The following PTPRO variants were observed in gnomAD, a reference collection of about 807,000 sequenced individuals.
PTPRO encodes receptor-type tyrosine-protein phosphatase O.
A neutral mutation model predicts 145.2 loss-of-function variants in PTPRO; 62 were observed. The observed-to-expected ratio is 0.43, with a 90% CI of 0.35 to 0.53. The LOEUF is 0.53. Among genes scored for constraint, PTPRO ranks in the 20% least tolerant of loss-of-function variants. PTPRO has a pLI of 0.01. For synonymous variants in PTPRO, 565 were observed against 514.7 expected (o/e 1.10, Z -1.32); for missense variants, 1,345 against 1,482.7 (o/e 0.91, Z 1.53).
chr12:15,401,277 C>A (rs562419479), intron 1 of PTPRO, among the ~76,000 whole-genome samples: 32 of 152,140 alleles, frequency 2.1e-4, no homozygotes, highest in Non-Finnish European at 3.8e-4. Context: ...CTTCCACTTA[C>A]GAATCACTGC....
At chr12:15,426,136 G>A (rs1458848543) in intron 1 of PTPRO, among the ~76,000 whole-genome samples, 1 of 151,416 alleles carries the variant, frequency 6.6e-6, no homozygotes, top group African/African-American at 2.4e-5. Flanking sequence ...CTTACACAAT[G>A]TTTGGTAAGC....
chr12:15,484,863 C>G (rs747266227), intron 2 of PTPRO, among the ~76,000 whole-genome samples: 4 of 152,088 alleles, frequency 2.6e-5, no homozygotes, highest in Admixed American at 6.6e-5. Context: ...ATACTTTTAA[C>G]TCCATGTGAT....
At chr12:15,397,630 G>C (rs1464966710) in intron 1 of PTPRO, among the ~76,000 whole-genome samples, 1 of 152,130 alleles carries the variant, frequency 6.6e-6, no homozygotes, top group African/African-American at 2.4e-5. Flanking sequence ...TGACCCACAA[G>C]GCATAGGGTT....
intron 1 of PTPRO, among the ~76,000 whole-genome samples, chr12:15,384,605 C>G (rs1938964718): frequency 6.6e-6 from 1 of 152,076 alleles, no homozygotes; most frequent in Admixed American, 6.6e-5. Flanking sequence ...ACTTTATAAC[C>G]CTTTTGACTT....
intron 2 of PTPRO, among the ~76,000 whole-genome samples, chr12:15,491,276 C>T (rs1405538926): frequency 6.6e-6 from 1 of 152,210 alleles, no homozygotes; most frequent in Non-Finnish European, 1.5e-5. Flanking sequence ...GGTTACTGAA[C>T]ATGAACACAA....
At chr12:15,388,448 G>T (rs1214504125) in intron 1 of PTPRO, among the ~76,000 whole-genome samples, 1 of 152,072 alleles carries the variant, frequency 6.6e-6, no homozygotes, top group African/African-American at 2.4e-5. Flanking sequence ...GAAATTATAA[G>T]ATTTGAAAAG....
chr12:15,375,343 A>G (rs926694190), intron 1 of PTPRO, among the ~76,000 whole-genome samples: 1 of 152,222 alleles, frequency 6.6e-6, no homozygotes, highest in African/African-American at 2.4e-5. Context: ...CAGATTTTAG[A>G]CTTACTAGAC....
chr12:15,498,022 T>C (rs1942142916), intron 3 of PTPRO, among the ~76,000 whole-genome samples: 1 of 151,874 alleles, frequency 6.6e-6, no homozygotes, highest in African/African-American at 2.4e-5. Context: ...GGGCATTCAG[T>C]TTCATTTGGG....
intron 1 of PTPRO, among the ~76,000 whole-genome samples, chr12:15,469,597 C>G (rs958034884): frequency 3.9e-5 from 6 of 152,064 alleles, no homozygotes. Flanking sequence ...AACAGGCGAG[C>G]TGTAAAACAG....
At chr12:15,589,417 C>G in intron 24 of PTPRO, 38 bp from the exon 25 acceptor site, 2 of 1,613,242 alleles carry the variant, frequency 1.2e-6, no homozygotes, top group Non-Finnish European at 1.7e-6. Flanking sequence ...AAAAGAAGCA[C>G]CATCTGAATA....
At chr12:15,357,982 A>AACCC (rs1240445290) in intron 1 of PTPRO, among the ~76,000 whole-genome samples, 1 of 151,374 alleles carries the variant, frequency 6.6e-6, no homozygotes, top group African/African-American at 2.4e-5. Context: ...ACTTGGAACC[A>AACCC]ACCCAAATGT....
At chr12:15,475,428 A>G (rs1941632398) in intron 1 of PTPRO, among the ~76,000 whole-genome samples, 1 of 152,238 alleles carries the variant, frequency 6.6e-6, no homozygotes, top group Admixed American at 6.5e-5. Flanking sequence ...ATAAGGAAAT[A>G]TAAATAAATA....
intron 8 of PTPRO, 133 bp downstream of exon 8, chr12:15,515,751 A>C: frequency 8.5e-7 from 1 of 1,181,174 alleles, no homozygotes; most frequent in Non-Finnish European, 1.3e-6. Context: ...TGCTACCTTC[A>C]GAGTAATAAA....
chr12:15,351,142 A>G (rs1415202388), intron 1 of PTPRO, among the ~76,000 whole-genome samples: 1 of 152,158 alleles, frequency 6.6e-6, no homozygotes, highest in East Asian at 1.9e-4. Flanking sequence ...GTTTTCTGTA[A>G]GTGTGCTGCC....
rs1451752085 is a variant in PTPRO at position 15,597,932 on chromosome 12, A to G, written c.*1859A>G. Among the ~76,000 whole-genome samples, 1 of 152,218 alleles carries G rather than the reference A, an allele frequency of 6.6e-6. No individual in the cohort carries two copies. The highest frequency in any genetic ancestry group is 1.5e-5 in the Non-Finnish European group (1 of 68,034). On this transcript the variant is annotated 3_prime_UTR_variant, in exon 27 of 27. Coordinates refer to ENST00000281171, the MANE Select transcript of PTPRO (RefSeq NM_030667.3). The stretch of plus-strand genomic sequence containing the variant: ...ATGGGCAGTCAGGAGTGAAATGTGC[A>G]ACCTTGGAAGAGCTGATACAATGTA...
At chr12:15,524,161 A>AAG (rs2136523105) in intron 10 of PTPRO, among the ~76,000 whole-genome samples, 1 of 148,756 alleles carries the variant, frequency 6.7e-6, no homozygotes, top group South Asian at 2.1e-4. Flanking sequence ...CGTGGCTAAA[A>AAG]AAAAAAAAAA....
rs536512759 is a variant in PTPRO, at chr12:15,351,688, G to C, written c.75+28887G>C. On this transcript the variant is annotated intron_variant, in intron 1 of 26. Transcript: ENST00000281171. ...TATTTAAATCCCTGGATCTAGCCAT[G>C]CCTTACTGAATTTTCCCACTATGAA... Among the ~76,000 whole-genome samples the C allele has an allele frequency of 3.3e-5, 5 of 152,268 alleles. No homozygotes were observed. In the South Asian group the frequency reaches 8.3e-4, roughly 25 times the overall value.
At chr12:15,562,844 AT>A (rs1251809876) in intron 17 of PTPRO, among the ~76,000 whole-genome samples, 1 of 151,336 alleles carries the variant, frequency 6.6e-6, no homozygotes, top group African/African-American at 2.4e-5. Flanking sequence ...AAGAAGTGGC[AT>A]TTAGTTGAAA....
chr12:15,412,138 A>G (rs1939818187), intron 1 of PTPRO, among the ~76,000 whole-genome samples: 1 of 151,618 alleles, frequency 6.6e-6, no homozygotes, highest in Admixed American at 6.6e-5. Context: ...TAATCTGGAA[A>G]TGCCAAATTT....
Sources: gnomAD v4.1 joint callset for allele counts (sites outside exome capture counted in the v4.1 genomes callset) on GRCh38, gnomAD v4.1.1 for gene constraint, MANE v1.5 for transcripts, NCBI Gene and HGNC (gene_info 2026-07-23, HGNC 2026-07-21) for gene names.